POLR3H: variants seen among roughly 807,000 people sequenced by gnomAD.
POLR3H encodes DNA-directed RNA polymerase III subunit RPC8.
In POLR3H, 17 loss-of-function variants were observed where a neutral mutation model predicts 25.5. That is an observed-to-expected ratio of 0.67 (90% CI 0.46 to 1.00). The LOEUF is 1.00. POLR3H is among the 50% of genes least tolerant of loss of function. The pLI is 0.00. For synonymous variants in POLR3H, 129 were observed against 103.0 expected (o/e 1.25, Z -1.53); for missense variants, 274 against 265.0 (o/e 1.03, Z -0.24).
Position 41,526,278 on chromosome 22 carries a change from C to T in POLR3H, c.*3005G>A. 6.2e-7 allele frequency: 1 copy of T among 1,612,248 alleles called. No homozygotes were observed. Among genetic ancestry groups the T allele is most frequent in the Non-Finnish European group, 8.5e-7 (1 of 1,179,956 alleles). On this transcript the variant is annotated 3_prime_UTR_variant, in exon 6 of 6. Transcript: ENST00000355209. ...CCACCCAAGGTCAAAGGGAAGTGTA[C>T]CACTGACCACATCTCAGCTGCTGGC...
chr22:41,527,148 GAGGAAGGGCC>G lies in POLR3H; in HGVS notation c.*2125_*2134del. 7.7e-7 allele frequency: 1 copy of G among 1,301,258 alleles called. No individual in the cohort carries two copies. The highest frequency in any genetic ancestry group is 1.1e-6 in the Non-Finnish European group (1 of 934,458). The allele number at this position is 1,301,258 out of a possible 1,614,324, so 80.6% of individuals were successfully genotyped here. ...CTTCACTTGCCCTTAGGCAGCAGGC[GAGGAAGGGCC>G]CCTCCAGCCCCTTTACCGGGAGCCT... is the stretch of plus-strand genomic sequence containing the variant. On this transcript the variant is annotated 3_prime_UTR_variant, in exon 6 of 6. Coordinates refer to ENST00000355209, the MANE Select transcript of POLR3H (RefSeq NM_001018050.4).
intron 2 of POLR3H, among the ~76,000 whole-genome samples, chr22:41,538,984 T>C (rs933265896): frequency 1.3e-5 from 2 of 152,120 alleles, no homozygotes; most frequent in South Asian, 2.1e-4. Flanking sequence ...TCTTTGGGGC[T>C]GGGGGCAGTG....
At chr22:41,543,928 C>T in intron 1 of POLR3H, 63 bp downstream of exon 1, 7 of 1,209,202 alleles carry the variant, frequency 5.8e-6, no homozygotes, top group Non-Finnish European at 8.5e-6. Flanking sequence ...GCCGGGCCTG[C>T]GGCCAGTGGG....
chr22:41,533,585 C>T, intron 2 of POLR3H: 1 of 1,297,332 alleles, frequency 7.7e-7, no homozygotes, highest in East Asian at 5.6e-5. Flanking sequence ...ACACAGGCTT[C>T]CACGATGCCG....
At chr22:41,542,958 G>A (rs1386199071) in intron 1 of POLR3H, among the ~76,000 whole-genome samples, 1 of 152,094 alleles carries the variant, frequency 6.6e-6, no homozygotes, top group Admixed American at 6.6e-5. Flanking sequence ...AGCCAAGATC[G>A]CTTCATTGCA....
Position 41,529,187 on chromosome 22 carries a change from A to T in POLR3H, c.*96T>A, listed in dbSNP as rs567358143. The T allele has an allele frequency of 8.9e-7, 1 of 1,118,962 alleles. No individual in the cohort carries two copies. Among genetic ancestry groups the T allele is most frequent in the East Asian group, 2.5e-5 (1 of 39,290 alleles). The allele number at this position is 1,118,962 out of a possible 1,614,324, so 69.3% of individuals were successfully genotyped here. ...CTTGCCTCACTGTCCAGCTCGAGAC[A>T]CTATCTCCTTAGCATCGGCCTCAGC... On this transcript the variant is annotated 3_prime_UTR_variant, in exon 6 of 6. Coordinates refer to ENST00000355209, the MANE Select transcript of POLR3H (RefSeq NM_001018050.4).
chr22:41,538,442 T>C (rs1407078657), intron 2 of POLR3H, among the ~76,000 whole-genome samples: 3 of 152,098 alleles, frequency 2.0e-5, no homozygotes, highest in Non-Finnish European at 4.4e-5. Flanking sequence ...GTAGTTTTAG[T>C]AGAGATGAGG....
intron 5 of POLR3H, chr22:41,529,605 A>G: frequency 1.4e-6 from 1 of 704,630 alleles, no homozygotes; most frequent in Non-Finnish European, 2.6e-6. Flanking sequence ...AGGGCCACCT[A>G]GGTTCTAATC....
In POLR3H at chr22:41,528,688, A is replaced by C; in HGVS notation, c.*595T>G. 3.2e-6 allele frequency: 5 copies of C among 1,555,730 alleles called. No homozygotes were observed. Among genetic ancestry groups the C allele is most frequent in the Non-Finnish European group, 4.3e-6 (5 of 1,153,086 alleles). ...TGCCATCAGTGGATCCGATCCGTCC[A>C]GCCATGGCTTCCTATTCCAAGATGG... On this transcript the variant is annotated 3_prime_UTR_variant, in exon 6 of 6. Transcript: ENST00000355209.
rs199861895 is a variant in POLR3H, at chr22:41,544,021, G to A, written c.81C>T (p.Ala27=). 5.6e-6 allele frequency: 9 copies of A among 1,613,630 alleles called. No individual in the cohort carries two copies. The highest frequency in any genetic ancestry group is 2.2e-5 in the East Asian group (1 of 44,876). The part of the protein sequence containing the change: ...QFERKLNDSI[A]EELNKKLANK... ...TGGCCAACTTCTTGTTCAGCTCCTC[G>A]GCAATGGAGTCGTTGAGCTTCCTCT... The change falls in exon 1 of 6, where the codon GCC becomes GCT. Residue 27 remains alanine (A), a synonymous_variant. Transcript: ENST00000355209.
Position 41,528,314 on chromosome 22 carries a change from G to A in POLR3H, c.*969C>T, listed in dbSNP as rs1039182290. On this transcript the variant is annotated 3_prime_UTR_variant, in exon 6 of 6. Transcript: ENST00000355209. Reference sequence around the variant, plus strand: ...TGGGCCCCAGGAATCCCCTGTAGGTGCCACCTGGGTCTGACCTGGGCCATC... The same window carrying A: ...TGGGCCCCAGGAATCCCCTGTAGGTACCACCTGGGTCTGACCTGGGCCATC... 33 of 1,042,674 alleles carry A rather than the reference G, an allele frequency of 3.2e-5. No homozygotes were observed. The highest frequency in any genetic ancestry group is 3.4e-5 in the Non-Finnish European group (25 of 737,354). 64.6% of individuals were successfully genotyped at this position (1,042,674 alleles called of 1,614,324 possible). A position where few individuals can be genotyped will look rare whatever the true frequency, so the allele number is the denominator to read the frequency against.
chr22:41,529,960 T>G (rs1298754247), intron 5 of POLR3H, among the ~76,000 whole-genome samples: 1 of 151,952 alleles, frequency 6.6e-6, no homozygotes, highest in African/African-American at 2.4e-5. Context: ...TTTCACCGTG[T>G]TAGCCAGGAT....
chr22:41,527,984 C>T lies in POLR3H; in HGVS notation c.*1299G>A, dbSNP rs2066639463. On this transcript the variant is annotated 3_prime_UTR_variant, in exon 6 of 6. Transcript: ENST00000355209. Reference sequence around the variant, plus strand: ...CAACAAGATTCACCCTGTGGACAAGCTGACCATTCAGGGCCTGAAGGACTT... The same window carrying T: ...CAACAAGATTCACCCTGTGGACAAGTTGACCATTCAGGGCCTGAAGGACTT... The T allele has an allele frequency of 6.2e-7, 1 of 1,614,082 alleles. No individual in the cohort carries two copies. Among genetic ancestry groups the T allele is most frequent in the African/African-American group, 1.3e-5 (1 of 74,934 alleles).
At position 41,528,578 on chromosome 22, in the gene POLR3H, A is replaced by T. The variant is rs1455684307; in HGVS notation, c.*705T>A. The T allele has an allele frequency of 6.2e-7, 1 of 1,612,598 alleles. No individual in the cohort carries two copies. The highest frequency in any genetic ancestry group is 8.5e-7 in the Non-Finnish European group (1 of 1,180,024). ...GCAGATTGAGTGGTTCCGCGCTGGCAGTGCCCTCAACAGAATGAAGGAACT... is the reference window on the plus strand; with the variant it reads ...GCAGATTGAGTGGTTCCGCGCTGGCTGTGCCCTCAACAGAATGAAGGAACT... On this transcript the variant is annotated 3_prime_UTR_variant, in exon 6 of 6. Coordinates refer to ENST00000355209, the MANE Select transcript of POLR3H (RefSeq NM_001018050.4).
Position 41,527,330 on chromosome 22 carries a change from G to T in POLR3H, c.*1953C>A. The T allele has an allele frequency of 1.2e-6, 2 of 1,614,132 alleles. No individual in the cohort carries two copies. Among genetic ancestry groups the T allele is most frequent in the East Asian group, 2.2e-5 (1 of 44,878 alleles). ...GGTGGTGATCGGAGACGAGAACTACGGCGAGGGCTCGAGCCGGGAGCATGC... is the reference window on the plus strand; with the variant it reads ...GGTGGTGATCGGAGACGAGAACTACTGCGAGGGCTCGAGCCGGGAGCATGC... On this transcript the variant is annotated 3_prime_UTR_variant, in exon 6 of 6. Coordinates refer to ENST00000355209, the MANE Select transcript of POLR3H (RefSeq NM_001018050.4).
chr22:41,538,273 A>G (rs1256462130), intron 2 of POLR3H, among the ~76,000 whole-genome samples: 2 of 151,602 alleles, frequency 1.3e-5, no homozygotes, highest in Non-Finnish European at 2.9e-5. Context: ...AGCTGGGACT[A>G]CAGGTGCCTG....
In POLR3H at chr22:41,529,104, A is replaced by G. The variant is rs530732692; in HGVS notation, c.*179T>C. ...CACAGATGGATCCATCACTGCAGTG[A>G]AGGAGGAGCAGGGCCTAGATGGTGG... is the stretch of plus-strand genomic sequence containing the variant. On this transcript the variant is annotated 3_prime_UTR_variant, in exon 6 of 6. Coordinates refer to ENST00000355209, the MANE Select transcript of POLR3H (RefSeq NM_001018050.4). 5.5e-5 allele frequency: 33 copies of G among 603,934 alleles called. No individual in the cohort carries two copies. Among genetic ancestry groups the G allele is most frequent in the East Asian group, 3.6e-4 (13 of 35,870 alleles). The allele number at this position is 603,934 out of a possible 1,614,324, so 37.4% of individuals were successfully genotyped here.
intron 5 of POLR3H, 78 bp downstream of exon 5, chr22:41,530,609 G>C: frequency 7.4e-7 from 1 of 1,347,872 alleles, no homozygotes; most frequent in Non-Finnish European, 1.0e-6. Flanking sequence ...CAGAGCAGAA[G>C]CCCCAGGACA....
chr22:41,528,807 T>C lies in POLR3H; in HGVS notation c.*476A>G, dbSNP rs2066661168. On this transcript the variant is annotated 3_prime_UTR_variant, in exon 6 of 6. Coordinates refer to ENST00000355209, the MANE Select transcript of POLR3H (RefSeq NM_001018050.4). ...TTAAAATAACTTTTTAGCCCCCGTC[T>C]TCCTATTTTGAGTTTGGTTCAGATC... is the stretch of plus-strand genomic sequence containing the variant. 2 of 730,860 alleles carry C rather than the reference T, an allele frequency of 2.7e-6. No homozygotes were observed. The highest frequency in any genetic ancestry group is 2.1e-6 in the Non-Finnish European group (1 of 465,204). The allele number at this position is 730,860 out of a possible 1,614,324, so 45.3% of individuals were successfully genotyped here. A position where few individuals can be genotyped will look rare whatever the true frequency, so the allele number is the denominator to read the frequency against.
Sources: allele counts gnomAD v4.1 joint callset (sites outside exome capture counted in the v4.1 genomes callset), GRCh38; gene constraint gnomAD v4.1.1; transcripts MANE v1.5; gene names NCBI Gene and HGNC (gene_info 2026-07-23, HGNC 2026-07-21).